Variants in MAGI2 observed in about 807,000 individuals in gnomAD.
The protein encoded by MAGI2 is membrane-associated guanylate kinase, WW and PDZ domain-containing protein 2.
In MAGI2, 35 loss-of-function variants were observed where a neutral mutation model predicts 133.3. The observed-to-expected ratio is 0.26, with a 90% CI of 0.20 to 0.35. The LOEUF (loss-of-function observed/expected upper bound fraction) is 0.35. Ranked by LOEUF, MAGI2 falls within the 10% of genes least tolerant of loss-of-function variation. The pLI is 1.00. For synonymous variants in MAGI2, 729 were observed against 710.6 expected (o/e 1.03, Z -0.41); for missense variants, 1,636 against 1,863.4 (o/e 0.88, Z 2.25).
At chr7:79,189,899 C>A (rs1827502676) in intron 1 of MAGI2, among the ~76,000 whole-genome samples, 1 of 151,720 alleles carries the variant, frequency 6.6e-6, no homozygotes. Context: ...AGATTTTCTT[C>A]TTTTACTTAG....
chr7:78,269,542 G>C (rs531781273), intron 9 of MAGI2, among the ~76,000 whole-genome samples: 53 of 152,110 alleles, frequency 3.5e-4, no homozygotes, highest in African/African-American at 1.2e-3. Flanking sequence ...CAGTGATGAT[G>C]AGCTTTTTTT....
chr7:79,057,731 T>C (rs560526236), intron 1 of MAGI2, among the ~76,000 whole-genome samples: 156 of 152,262 alleles, frequency 1.0e-3, no homozygotes, highest in Non-Finnish European at 1.7e-3. Context: ...CCGATTCACA[T>C]CTTTCTACCT....
chr7:78,728,751 G>C lies in MAGI2; in HGVS notation c.419-101512C>G, dbSNP rs1247735713. 3.6e-5 allele frequency among the ~76,000 whole-genome samples: 5 copies of C among 139,606 alleles called. 1 individual carries two copies. Among genetic ancestry groups the C allele is most frequent in the Admixed American group, 1.5e-4 (2 of 13,334 alleles). The allele number at this position is 139,606 out of a possible 152,430, so 91.6% of individuals were successfully genotyped here. ...CGGCTAATTTTTTGTATTTTTAGTA[G>C]AGACGGGGTTTCACCGTTTTAGCCG... On this transcript the variant is annotated intron_variant, in intron 2 of 21. Transcript: ENST00000354212.
intron 1 of MAGI2, among the ~76,000 whole-genome samples, chr7:79,181,506 G>A (rs1378289017): frequency 2.0e-5 from 3 of 151,904 alleles, no homozygotes; most frequent in Non-Finnish European, 4.4e-5. Flanking sequence ...GTACACAGCA[G>A]AGAAACCCTG....
At chr7:78,301,838 A>G (rs1797858461) in intron 9 of MAGI2, among the ~76,000 whole-genome samples, 1 of 152,188 alleles carries the variant, frequency 6.6e-6, no homozygotes, top group South Asian at 2.1e-4. Flanking sequence ...GACTATGTGA[A>G]TTCCAGTCAT....
chr7:79,035,226 G>C (rs929105388), intron 1 of MAGI2, among the ~76,000 whole-genome samples: 1 of 151,772 alleles, frequency 6.6e-6, no homozygotes, highest in African/African-American at 2.4e-5. Flanking sequence ...GGGGCAGGGG[G>C]GGTGGTGGGC....
At chr7:78,066,452 ACT>A (rs1813834388) in intron 21 of MAGI2, among the ~76,000 whole-genome samples, 3 of 118,762 alleles carry the variant, frequency 2.5e-5, no homozygotes, top group South Asian at 6.3e-4. Flanking sequence ...TCAGAATGAG[ACT>A]CTGTCTTAAA....
chr7:78,037,892 C>G (rs1810397461), intron 21 of MAGI2, among the ~76,000 whole-genome samples: 1 of 152,160 alleles, frequency 6.6e-6, no homozygotes, highest in Admixed American at 6.5e-5. Context: ...TTTGCTGAAG[C>G]AGTAGGAACT....
At chr7:78,144,263 T>C (rs575360928) in intron 16 of MAGI2, among the ~76,000 whole-genome samples, 1 of 152,256 alleles carries the variant, frequency 6.6e-6, no homozygotes, top group African/African-American at 2.4e-5. Context: ...AATGCAAACA[T>C]TTTAAATCTT....
chr7:79,342,810 A>G (rs1840999994), intron 1 of MAGI2, among the ~76,000 whole-genome samples: 1 of 151,902 alleles, frequency 6.6e-6, no homozygotes. Flanking sequence ...CCCAAGGTGG[A>G]GTGCAATGGT....
At chr7:78,444,600 C>T (rs1213555764) in intron 6 of MAGI2, among the ~76,000 whole-genome samples, 2 of 151,976 alleles carry the variant, frequency 1.3e-5, no homozygotes, top group Admixed American at 1.3e-4. Flanking sequence ...ATTGGAGAGC[C>T]AGCTGCTGCT....
At chr7:79,078,665 G>A (rs891580819) in intron 1 of MAGI2, among the ~76,000 whole-genome samples, 1 of 152,188 alleles carries the variant, frequency 6.6e-6, no homozygotes, top group African/African-American at 2.4e-5. Context: ...AGCTAGGTCT[G>A]TGCTCCAACA....
At chr7:79,133,558 A>T (rs973182947) in intron 1 of MAGI2, among the ~76,000 whole-genome samples, 4 of 152,156 alleles carry the variant, frequency 2.6e-5, no homozygotes, top group African/African-American at 9.6e-5. Context: ...ACTACAGCCT[A>T]GAAACATGTA....
intron 3 of MAGI2, among the ~76,000 whole-genome samples, chr7:78,571,411 A>C (rs1170694957): frequency 6.6e-6 from 1 of 152,206 alleles, no homozygotes; most frequent in Non-Finnish European, 1.5e-5. Context: ...CTCAGAAAGC[A>C]ATGACAGCAT....
chr7:78,402,928 A>G (rs1177737756), intron 6 of MAGI2, among the ~76,000 whole-genome samples: 3 of 152,214 alleles, frequency 2.0e-5, no homozygotes, highest in African/African-American at 4.8e-5. Flanking sequence ...TAAATTTAAC[A>G]TATTACTTAT....
rs114086984 is a variant in MAGI2 at position 78,869,261 on chromosome 7, C to T, written c.418+137829G>A. Among the ~76,000 whole-genome samples, 323 of 152,148 alleles carry T rather than the reference C, an allele frequency of 2.1e-3. 3 individuals carry two copies. The highest frequency in any genetic ancestry group is 7.5e-3 in the African/African-American group (310 of 41,522). ...CATCTATTTATTTTTGTTATTGTTG[C>T]ATTTGATTTTAGGTTTTTGGTCATG... On this transcript the variant is annotated intron_variant, in intron 2 of 21. Coordinates refer to ENST00000354212, the MANE Select transcript of MAGI2 (RefSeq NM_012301.4).
intron 1 of MAGI2, among the ~76,000 whole-genome samples, chr7:79,019,067 A>G (rs1191797357): frequency 2.6e-5 from 4 of 152,212 alleles, no homozygotes; most frequent in Admixed American, 2.6e-4. Context: ...AAAATTCTCC[A>G]CCACAAAAGA....
chr7:79,290,095 A>G (rs949623273), intron 1 of MAGI2, among the ~76,000 whole-genome samples: 3 of 152,036 alleles, frequency 2.0e-5, no homozygotes, highest in African/African-American at 7.2e-5. Context: ...AAAATCACAT[A>G]TTAACTACAT....
At chr7:79,201,302 C>G (rs550171073) in intron 1 of MAGI2, among the ~76,000 whole-genome samples, 2 of 152,102 alleles carry the variant, frequency 1.3e-5, no homozygotes, top group Non-Finnish European at 2.9e-5. Flanking sequence ...TTGATTTCTT[C>G]CATTAACATA....
Sources: gnomAD v4.1 joint callset for allele counts (sites outside exome capture counted in the v4.1 genomes callset) on GRCh38, gnomAD v4.1.1 for gene constraint, MANE v1.5 for transcripts, NCBI Gene and HGNC (gene_info 2026-07-23, HGNC 2026-07-21) for gene names.